Variants in ELAVL4 observed in about 807,000 individuals in gnomAD.
The protein encoded by ELAVL4 is ELAV-like protein 4.
ELAVL4 carries 1 observed loss-of-function variant against 35.6 expected under a neutral mutation model. The ratio of observed to expected loss-of-function variants is 0.03; its 90% CI spans 0.01 to 0.13. ELAVL4 has a LOEUF of 0.13. Ranked by LOEUF, ELAVL4 falls within the 10% of genes least tolerant of loss-of-function variation. The pLI, the probability that ELAVL4 is intolerant of heterozygous loss-of-function variation, is 1.00. For synonymous variants in ELAVL4, 156 were observed against 171.0 expected, an observed-to-expected ratio of 0.91 and a Z score of 0.69; for missense variants, 267 against 464.9, an observed-to-expected ratio of 0.57 and a Z score of 3.91.
chr1:50,110,012 T>C, intron 1 of ELAVL4: 3 of 1,604,924 alleles, frequency 1.9e-6, no homozygotes, highest in Non-Finnish European at 2.6e-6. Flanking sequence ...CCTGTGTGTG[T>C]GTGTGTGTGT....
intron 1 of ELAVL4, among the ~76,000 whole-genome samples, chr1:50,135,594 T>A (rs1028930157): frequency 6.6e-6 from 1 of 152,186 alleles, no homozygotes; most frequent in African/African-American, 2.4e-5. Flanking sequence ...TGGCTTATAA[T>A]TGCATTCAAT....
chr1:50,125,867 GT>G (rs1212470043), intron 1 of ELAVL4, among the ~76,000 whole-genome samples: 1 of 151,940 alleles, frequency 6.6e-6, no homozygotes, highest in Non-Finnish European at 1.5e-5. Context: ...AAAATGGGGT[GT>G]TTTTTTCCTT....
intron 1 of ELAVL4, among the ~76,000 whole-genome samples, chr1:50,137,043 G>T (rs1017936590): frequency 6.6e-6 from 1 of 152,172 alleles, no homozygotes; most frequent in Non-Finnish European, 1.5e-5. Context: ...ATAACGTGGG[G>T]TCGTATGTAG....
intron 1 of ELAVL4, among the ~76,000 whole-genome samples, chr1:50,068,730 T>C (rs1436128840): frequency 6.6e-6 from 1 of 152,212 alleles, no homozygotes; most frequent in African/African-American, 2.4e-5. Context: ...TCATGACTGG[T>C]TGAGTGAAAT....
At chr1:50,051,469 C>T (rs1406306676) in intron 1 of ELAVL4, among the ~76,000 whole-genome samples, 3 of 152,226 alleles carry the variant, frequency 2.0e-5, no homozygotes, top group Non-Finnish European at 1.5e-5. Context: ...AATAGTATTG[C>T]TGATTTATTG....
chr1:50,107,329 T>C (rs1666418314), upstream of ELAVL4, among the ~76,000 whole-genome samples: 1 of 152,240 alleles, frequency 6.6e-6, no homozygotes, highest in South Asian at 2.1e-4. Flanking sequence ...CTTTTCTATT[T>C]CATGTATTTT....
chr1:50,089,756 AAAAC>A (rs936924378), intron 1 of ELAVL4, among the ~76,000 whole-genome samples: 1 of 152,184 alleles, frequency 6.6e-6, no homozygotes, highest in African/African-American at 2.4e-5. Context: ...CTTTATCTCT[AAAAC>A]AAACAAACAA....
chr1:50,066,727 A>G (rs1220324348), intron 1 of ELAVL4, among the ~76,000 whole-genome samples: 1 of 152,180 alleles, frequency 6.6e-6, no homozygotes, highest in East Asian at 1.9e-4. Flanking sequence ...GATACACTGA[A>G]AATGGCTTTC....
intron 3 of ELAVL4, among the ~76,000 whole-genome samples, chr1:50,186,481 A>G (rs1681842523): frequency 6.6e-6 from 1 of 152,176 alleles, no homozygotes; most frequent in Non-Finnish European, 1.5e-5. Flanking sequence ...CCACTGAAAT[A>G]TACTGCTGTG....
intron 1 of ELAVL4, among the ~76,000 whole-genome samples, chr1:50,048,643 C>A (rs943909584): frequency 1.7e-4 from 26 of 152,172 alleles, no homozygotes; most frequent in Admixed American, 1.5e-3. Context: ...AGGCGCTGGG[C>A]GCGCGGACTT....
At chr1:50,122,760 T>A (rs1167177878) in intron 1 of ELAVL4, among the ~76,000 whole-genome samples, 1 of 152,134 alleles carries the variant, frequency 6.6e-6, no homozygotes, top group Non-Finnish European at 1.5e-5. Flanking sequence ...GTGGGCTTCC[T>A]TAGAATGGAA....
intron 3 of ELAVL4, among the ~76,000 whole-genome samples, chr1:50,185,620 T>C (rs1400535572): frequency 3.3e-5 from 5 of 152,204 alleles, no homozygotes; most frequent in African/African-American, 1.2e-4. Context: ...AATGATATCT[T>C]ACTTGTAGGG....
Position 50,092,209 on chromosome 1 carries a change from G to A in ELAVL4, c.18+44027G>A, listed in dbSNP as rs559986618. 1.3e-4 allele frequency among the ~76,000 whole-genome samples: 20 copies of A among 152,294 alleles called. 1 individual carries two copies. In the South Asian group the frequency reaches 4.1e-3, roughly 32 times the overall value. ...ATGATGGGTATATGTGTGGGGAAGG[G>A]CCAGGATTGGAAACACAAAAAGAGC... is the stretch of plus-strand genomic sequence containing the variant. On this transcript the variant is annotated intron_variant, in intron 1 of 6. Coordinates refer to the ELAVL4 transcript ENST00000448907.
chr1:50,066,899 G>A (rs1199442076), intron 1 of ELAVL4, among the ~76,000 whole-genome samples: 2 of 152,202 alleles, frequency 1.3e-5, no homozygotes. Context: ...AATATAGCAT[G>A]TCCCATTTTT....
chr1:50,133,259 T>C (rs1054558728), intron 1 of ELAVL4, among the ~76,000 whole-genome samples: 1 of 152,206 alleles, frequency 6.6e-6, no homozygotes, highest in Non-Finnish European at 1.5e-5. Context: ...TTTATCCTTA[T>C]ACCCATAATT....
chr1:50,094,524 T>A (rs1665629424), intron 1 of ELAVL4, among the ~76,000 whole-genome samples: 1 of 152,198 alleles, frequency 6.6e-6, no homozygotes. Context: ...AGCTTTATTT[T>A]CCCAGCCCTC....
intron 1 of ELAVL4, among the ~76,000 whole-genome samples, chr1:50,132,700 A>G (rs1224946051): frequency 6.6e-6 from 1 of 152,182 alleles, no homozygotes; most frequent in Non-Finnish European, 1.5e-5. Context: ...GAGATCCTAC[A>G]GGATAGCTCT....
intron 1 of ELAVL4, among the ~76,000 whole-genome samples, chr1:50,077,023 T>C (rs185644655): frequency 6.8e-6 from 1 of 147,078 alleles, no homozygotes; most frequent in East Asian, 2.0e-4. Context: ...AATGGGATGT[T>C]TCTCTCTCTC....
intron 1 of ELAVL4, chr1:50,109,887 G>A (rs1572203239): frequency 6.2e-6 from 10 of 1,609,198 alleles, no homozygotes; most frequent in Non-Finnish European, 8.5e-6. Flanking sequence ...TTTACATAAC[G>A]TTCCTTTCCG....
Sources: allele counts gnomAD v4.1 joint callset (sites outside exome capture counted in the v4.1 genomes callset), GRCh38; gene constraint gnomAD v4.1.1; transcripts MANE v1.5; gene names NCBI Gene and HGNC (gene_info 2026-07-23, HGNC 2026-07-21).